The following MAD1L1 variants were observed in gnomAD, a reference collection of about 807,000 sequenced individuals.
MAD1L1 encodes the protein mitotic spindle assembly checkpoint protein MAD1.
Under a neutral mutation model 96.9 loss-of-function variants are expected in MAD1L1, and 95 were observed. That is an observed-to-expected ratio of 0.98 (90% CI 0.83 to 1.16). The LOEUF is 1.16. MAD1L1 is among the 50% of genes most tolerant of loss of function. The pLI is 0.00. For synonymous variants in MAD1L1, 473 were observed against 396.6 expected, an observed-to-expected ratio of 1.19 and a Z score of -2.29; for missense variants, 1,007 against 954.4, an observed-to-expected ratio of 1.06 and a Z score of -0.73.
rs1789097517 is a variant in MAD1L1 at position 2,142,654 on chromosome 7, T to C, written c.1073+6498A>G. ...CCGTGGAATACATGGAGACAGCCCA[T>C]TAGACTCAGGCTGATTCCACACCTT... On this transcript the variant is annotated intron_variant, in intron 11 of 18. Coordinates refer to ENST00000265854, the MANE Select transcript of MAD1L1 (RefSeq NM_001013836.2). This position sits in a 1 kb window ranked among gnomAD's most constrained non-coding sequence, Gnocchi z 4.7. 6.6e-6 allele frequency among the ~76,000 whole-genome samples: 1 copy of C among 152,230 alleles called. No homozygotes were observed. Among genetic ancestry groups the C allele is most frequent in the South Asian group, 2.1e-4 (1 of 4,836 alleles).
chr7:2,059,163 A>G (rs866828207), intron 12 of MAD1L1, among the ~76,000 whole-genome samples: 156 of 36,338 alleles, frequency 4.3e-3, no homozygotes, highest in South Asian at 5.6e-3. Context: ...CCAGAGGAGA[A>G]GAGAGGCGTG....
intron 7 of MAD1L1, among the ~76,000 whole-genome samples, chr7:2,216,874 C>G (rs1229839645): frequency 6.6e-6 from 1 of 152,188 alleles, no homozygotes; most frequent in Non-Finnish European, 1.5e-5. Context: ...GGAGGCCTTC[C>G]TGGGCTGCAC....
intron 18 of MAD1L1, among the ~76,000 whole-genome samples, chr7:1,890,101 G>A (rs982571382): frequency 3.3e-5 from 5 of 152,382 alleles, no homozygotes; most frequent in Middle Eastern, 3.4e-3. Flanking sequence ...GCATGTATCC[G>A]TGGGAGGGTC....
rs867364019 is a variant in MAD1L1 at position 1,931,184 on chromosome 7, C to T, written c.1807+5503G>A. 8.0e-5 allele frequency among the ~76,000 whole-genome samples: 9 copies of T among 111,822 alleles called. 1 individual carries two copies. Among genetic ancestry groups the T allele is most frequent in the Middle Eastern group, 4.4e-3 (1 of 228 alleles). 73.4% of individuals were successfully genotyped at this position (111,822 alleles called of 152,430 possible). On this transcript the variant is annotated intron_variant, in intron 17 of 18. Transcript: ENST00000265854. ...CCACGCACGGTCACAGGAGCGAGGG[C>T]GCGTCGTGGGGTCCACGTCAAGGGT... is the stretch of plus-strand genomic sequence containing the variant.
intron 15 of MAD1L1, among the ~76,000 whole-genome samples, chr7:1,964,013 G>C (rs994869737): frequency 1.3e-5 from 2 of 152,208 alleles, no homozygotes; most frequent in African/African-American, 4.8e-5. Context: ...CATCAATCTA[G>C]CAGGGAAGTC....
At chr7:1,943,352 A>G (rs1300432083) in intron 16 of MAD1L1, among the ~76,000 whole-genome samples, 1 of 152,242 alleles carries the variant, frequency 6.6e-6, no homozygotes, top group Non-Finnish European at 1.5e-5. Context: ...ATGTCTGCAA[A>G]TCTATACCCG....
intron 11 of MAD1L1, among the ~76,000 whole-genome samples, chr7:2,076,736 C>G (rs1405774187): frequency 6.6e-6 from 1 of 152,002 alleles, no homozygotes; most frequent in East Asian, 1.9e-4. Flanking sequence ...AGGGTTACGA[C>G]TTGGTGAGCC....
rs755818523 is a variant in MAD1L1, at chr7:1,983,148, GCGCGCGCA to G, written c.1417-2615_1417-2608del. ...CACCCACAGACGCGCGCGCGCGCGC[GCGCGCGCA>G]CACACACACACACACACACACACAC... is the stretch of plus-strand genomic sequence containing the variant. On this transcript the variant is annotated intron_variant, in intron 14 of 18. Coordinates refer to ENST00000265854, the MANE Select transcript of MAD1L1 (RefSeq NM_001013836.2). Among the ~76,000 whole-genome samples, 136 of 41,568 alleles carry G rather than the reference GCGCGCGCA, an allele frequency of 3.3e-3. 1 individual carries two copies. Among genetic ancestry groups the G allele is most frequent in the African/African-American group, 7.7e-3 (71 of 9,224 alleles). The allele number at this position is 41,568 out of a possible 152,430, so 27.3% of individuals were successfully genotyped here. A position where few individuals can be genotyped will look rare whatever the true frequency, so the allele number is the denominator to read the frequency against.
chr7:1,878,572 TA>T (rs34728278), intron 18 of MAD1L1, among the ~76,000 whole-genome samples: 42 of 148,258 alleles, frequency 2.8e-4, no homozygotes, highest in South Asian at 6.4e-4. Context: ...TCAATAGATG[TA>T]AAAAAAAAAA....
chr7:1,882,950 GTGTC>G, intron 18 of MAD1L1, among the ~76,000 whole-genome samples: 1 of 131,282 alleles, frequency 7.6e-6, no homozygotes, highest in African/African-American at 3.1e-5. Context: ...ACCAAACCTG[GTGTC>G]ACAAACGACT....
chr7:1,980,116 G>T (rs924184008), intron 15 of MAD1L1, among the ~76,000 whole-genome samples: 1 of 152,198 alleles, frequency 6.6e-6, no homozygotes, highest in African/African-American at 2.4e-5. Context: ...TGGAGAGGGG[G>T]ACAGGAGGCT....
chr7:1,994,300 C>T (rs532620444), intron 14 of MAD1L1, among the ~76,000 whole-genome samples: 1 of 152,204 alleles, frequency 6.6e-6, no homozygotes, highest in Non-Finnish European at 1.5e-5. Flanking sequence ...GAGGGAAGAG[C>T]GTGTCTGCGA....
At chr7:1,870,675 AACACCTGCCACACTGAACCCAACAT>A (rs1348899865) in intron 18 of MAD1L1, among the ~76,000 whole-genome samples, 2 of 138,186 alleles carry the variant, frequency 1.4e-5, no homozygotes, top group Non-Finnish European at 3.1e-5. Context: ...AACCCACCGT[AACACCTGCCACACTGAACCCAACAT>A]ACACCTGCCA....
In MAD1L1 at chr7:2,205,564, G is replaced by A. The variant is rs151188292; in HGVS notation, c.986+7648C>T. On this transcript the variant is annotated intron_variant, in intron 10 of 18. Coordinates refer to ENST00000265854, the MANE Select transcript of MAD1L1 (RefSeq NM_001013836.2). The stretch of plus-strand genomic sequence containing the variant: ...ACCAGCATTCACCACTCCCTAGGCC[G>A]CTGCCCGCCAAAACACCCTCAAGCC... 5.1e-3 allele frequency among the ~76,000 whole-genome samples: 774 copies of A among 152,160 alleles called. 1 individual carries two copies. The highest frequency in any genetic ancestry group is 7.0e-3 in the Non-Finnish European group (475 of 68,010).
At chr7:2,099,337 G>T (rs937626854) in intron 11 of MAD1L1, among the ~76,000 whole-genome samples, 1 of 152,218 alleles carries the variant, frequency 6.6e-6, no homozygotes, top group African/African-American at 2.4e-5. Flanking sequence ...TCCTCAACAG[G>T]AGTTGTTTCC....
intron 10 of MAD1L1, chr7:2,193,579 A>AC (rs1791832384): frequency 6.6e-6 from 1 of 152,296 alleles, no homozygotes; most frequent in Non-Finnish European, 1.5e-5. Context: ...CTCGGCTACC[A>AC]GAAAAAAAGG....
At chr7:2,168,050 C>T (rs1435768225) in intron 10 of MAD1L1, among the ~76,000 whole-genome samples, 1 of 152,118 alleles carries the variant, frequency 6.6e-6, no homozygotes, top group Non-Finnish European at 1.5e-5. Flanking sequence ...TTTGGGAGGC[C>T]GAGGCGGGTG....
At chr7:2,132,289 G>A (rs1364110776) in intron 11 of MAD1L1, among the ~76,000 whole-genome samples, 2 of 152,152 alleles carry the variant, frequency 1.3e-5, no homozygotes, top group Admixed American at 6.5e-5. Flanking sequence ...TACAACTGAT[G>A]AACCCAAGTC....
chr7:1,854,600 C>T (rs1021943079), intron 18 of MAD1L1, among the ~76,000 whole-genome samples: 1 of 152,150 alleles, frequency 6.6e-6, no homozygotes, highest in Non-Finnish European at 1.5e-5. Flanking sequence ...CACCTCAGCA[C>T]CTCCCGAAGA....
Sources: gnomAD v4.1 joint callset for allele counts (sites outside exome capture counted in the v4.1 genomes callset) on GRCh38, gnomAD v4.1.1 for gene constraint, Gnocchi (gnomAD v3.1) non-coding constraint, MANE v1.5 for transcripts, NCBI Gene and HGNC (gene_info 2026-07-23, HGNC 2026-07-21) for gene names.